Variants in C1RL observed in about 807,000 individuals in gnomAD.
C1RL encodes complement C1r subcomponent-like protein.
Under a neutral mutation model 27.9 loss-of-function variants are expected in C1RL, and 27 were observed. That is an observed-to-expected ratio of 0.97 (90% CI 0.71 to 1.33). C1RL has a LOEUF of 1.33. Ranked by LOEUF, C1RL falls within the 40% of genes most tolerant of loss-of-function variation. The pLI is 0.00. For synonymous variants in C1RL, 248 were observed against 252.1 expected (o/e 0.98, Z 0.15); for missense variants, 563 against 623.9 (o/e 0.90, Z 1.04).
Position 7,100,020 on chromosome 12 carries a change from T to G in C1RL, c.497A>C (p.Asn166Thr), listed in dbSNP as rs772751644. The G allele has an allele frequency of 3.1e-6, 5 of 1,611,718 alleles. 1 individual carries two copies. Among genetic ancestry groups the G allele is most frequent in the Non-Finnish European group, 4.2e-6 (5 of 1,179,062 alleles). The stretch of plus-strand genomic sequence containing the variant: ...GGCCTCGCTGATGGGCTGACTATAG[T>G]TCACAGCTATAGGAAAACAGCACCT... ...FLALYQTVAVNYSQPISEASR... is the reference protein window; with the variant it reads ...FLALYQTVAVTYSQPISEASR... Residue 166 changes from asparagine to threonine, a missense_variant, in exon 4 of 6, where the codon AAC becomes ACC. Physicochemically the swap from Asn to Thr is moderately conservative, Grantham distance 65. Coordinates refer to ENST00000266542, the MANE Select transcript of C1RL (RefSeq NM_016546.4).
In C1RL at chr12:7,099,911, G is replaced by A. The variant is rs201243187; in HGVS notation, c.606C>T (p.Ala202=). 27 of 1,613,936 alleles carry A rather than the reference G, an allele frequency of 1.7e-5. No homozygotes were observed. The highest frequency in any genetic ancestry group is 4.5e-5 in the East Asian group (2 of 44,890). ...CAGGTGGGGACTCACCTGCTGCCGC[G>A]GCCTGATAATAGGGCTCCTGGCAGT... ...QNHCQEPYYQ[A]AAAGALTCAT... is the part of the protein sequence containing the mutation. Residue 202 remains alanine, a synonymous_variant, in exon 4 of 6, where the codon GCC becomes GCT. Transcript: ENST00000266542.
chr12:7,097,135 G>A lies in C1RL; in HGVS notation c.720C>T (p.Ala240=). ...AAGAACCGAGGGTCGTCTGATTCTGGGCAATGGGGGTGACTGGCCGTCCGC... is the reference window on the plus strand; with the variant it reads ...AAGAACCGAGGGTCGTCTGATTCTGAGCAATGGGGGTGACTGGCCGTCCGC... ...PVCGRPVTPI[A]QNQTTLGSSR... is the part of the protein sequence containing the mutation. Residue 240 remains alanine (A), a synonymous_variant, in exon 6 of 6, where the codon GCC becomes GCT. Transcript: ENST00000266542. 1 of 1,610,612 alleles carries A rather than the reference G, an allele frequency of 6.2e-7. No homozygotes were observed. The highest frequency in any genetic ancestry group is 1.1e-5 in the South Asian group (1 of 90,738).
chr12:7,100,935 C>T (rs67225162), intron 3 of C1RL, among the ~76,000 whole-genome samples: 43,855 of 151,900 alleles, frequency 0.29, 6,579 homozygotes, highest in Admixed American at 0.38. Flanking sequence ...ATCCTCTTCC[C>T]GGGAAGAATA....
At chr12:7,107,557 C>T (rs1290517419) in intron 2 of C1RL, among the ~76,000 whole-genome samples, 1 of 151,970 alleles carries the variant, frequency 6.6e-6, no homozygotes, top group Admixed American at 6.6e-5. Context: ...AAATAAAGTT[C>T]AAAAATTTAT....
At chr12:7,100,742 G>A (rs997693730) in intron 3 of C1RL, among the ~76,000 whole-genome samples, 4 of 152,034 alleles carry the variant, frequency 2.6e-5, no homozygotes, top group Admixed American at 6.5e-5. Context: ...AGAAGAGACT[G>A]CGCCACTGCA....
At position 7,108,328 on chromosome 12, in the gene C1RL, C is replaced by T. The variant is rs1301746672; in HGVS notation, c.223G>A (p.Glu75Lys). 6 of 1,614,148 alleles carry T rather than the reference C, an allele frequency of 3.7e-6. No individual in the cohort carries two copies. The highest frequency in any genetic ancestry group is 5.1e-6 in the Non-Finnish European group (6 of 1,180,048). ...AAGACGAGCCTCACAGCAAAGCCCT[C>T]TGGAGCCTTGATGTCCGTGCTGCTC... ...QESSTDIKAP[E>K]GFAVRLVFQD... The change falls in exon 2 of 6, where the codon GAG (glutamate) becomes AAG (lysine). Residue 75 changes from glutamate to lysine, a missense_variant. Physicochemically the swap from Glu to Lys is moderately conservative, Grantham distance 56. Transcript: ENST00000266542.
In C1RL at chr12:7,109,099, G is replaced by A; in HGVS notation, c.71+11C>T. ...TCCTCTTCCCTCCTCCTCTGCCGGG[G>A]CCACACTCACATTGCGCCTGGACAG... On this transcript the variant is annotated intron_variant, in intron 1 of 5. Transcript: ENST00000266542. The A allele has an allele frequency of 1.9e-6, 3 of 1,583,280 alleles. No individual in the cohort carries two copies. The highest frequency in any genetic ancestry group is 2.6e-6 in the Non-Finnish European group (3 of 1,162,284).
Position 7,094,660 on chromosome 12 carries a change from C to A in C1RL, c.*1731G>T. ...ATAAAAACATTTCATGCTCATTAAA[C>A]AAATTTTAGCCAATAGAGAATAGTG... On this transcript the variant is annotated 3_prime_UTR_variant, in exon 6 of 6. Transcript: ENST00000266542. The A allele has an allele frequency of 2.0e-6, 2 of 979,386 alleles. No individual in the cohort carries two copies. Among genetic ancestry groups the A allele is most frequent in the Non-Finnish European group, 2.4e-6 (2 of 824,530 alleles). The allele number at this position is 979,386 out of a possible 1,614,324, so 60.7% of individuals were successfully genotyped here.
Position 7,094,691 on chromosome 12 carries a change from C to T in C1RL, c.*1700G>A, listed in dbSNP as rs1251774690. The T allele has an allele frequency of 2.0e-6, 2 of 980,902 alleles. No homozygotes were observed. The highest frequency in any genetic ancestry group is 2.4e-6 in the Non-Finnish European group (2 of 826,054). 60.8% of individuals were successfully genotyped at this position (980,902 alleles called of 1,614,324 possible). On this transcript the variant is annotated 3_prime_UTR_variant, in exon 6 of 6. Transcript: ENST00000266542. ...TTAGCCAATAGAGAATAGTGGAAAACCAAACAGCCAAAATCTTATCAATAA... is the reference window on the plus strand; with the variant it reads ...TTAGCCAATAGAGAATAGTGGAAAATCAAACAGCCAAAATCTTATCAATAA...
At chr12:7,107,077 CA>C (rs1848430156) in intron 2 of C1RL, among the ~76,000 whole-genome samples, 1 of 152,030 alleles carries the variant, frequency 6.6e-6, no homozygotes, top group South Asian at 2.1e-4. Flanking sequence ...GAAACAGCTA[CA>C]TGAATTGGCA....
intron 5 of C1RL, among the ~76,000 whole-genome samples, chr12:7,098,763 G>C (rs1412367158): frequency 6.6e-6 from 1 of 152,206 alleles, no homozygotes; most frequent in African/African-American, 2.4e-5. Flanking sequence ...CAAATCCATA[G>C]AGATAGAAGA....
chr12:7,108,978 TGTGTGTGTGTGGGG>T (rs1409195663), intron 1 of C1RL, 118 bp downstream of exon 1: 29 of 164,098 alleles, frequency 1.8e-4, no homozygotes, highest in Admixed American at 5.4e-4. Context: ...TGTGTGTGTG[TGTGTGTGTGTGGGG>T]GGGGGGGGGA....
Position 7,109,113 on chromosome 12 carries a change from G to A in C1RL, c.68C>T (p.Ala23Val). 2 of 1,590,736 alleles carry A rather than the reference G, an allele frequency of 1.3e-6. No individual in the cohort carries two copies. Among genetic ancestry groups the A allele is most frequent in the Non-Finnish European group, 1.7e-6 (2 of 1,167,526 alleles). The change falls in exon 1 of 6, where the codon GCA (alanine) becomes GTA (valine). Residue 23 changes from alanine to valine, a missense_variant. Transcript: ENST00000266542. Reference protein sequence around the residue: ...RSPHSKGCPGAMWWLLLWGVL... With the variant: ...RSPHSKGCPGVMWWLLLWGVL... ...CCTCTGCCGGGGCCACACTCACATT[G>A]CGCCTGGACAGCCTTTGGAGTGAGG...
At position 7,102,071 on chromosome 12, in the gene C1RL, G is replaced by C. The variant is rs775236413; in HGVS notation, c.317C>G (p.Ser106Trp). The change falls in exon 3 of 6, where the codon TCG (serine) becomes TGG (tryptophan). Residue 106 changes from serine to tryptophan, a missense_variant. Transcript: ENST00000266542. The stretch of plus-strand genomic sequence containing the variant: ...CTGACCACAGAACTGGCTTGGATCC[G>C]AACCGACGAATGAGATCTGAAAGCG... The part of the protein sequence containing the change: ...GDSVTISFVG[S>W]DPSQFCGQQG... The C allele has an allele frequency of 6.2e-7, 1 of 1,606,790 alleles. No individual in the cohort carries two copies. Among genetic ancestry groups the C allele is most frequent in the African/African-American group, 1.3e-5 (1 of 74,932 alleles).
chr12:7,109,033 G>C (rs1233129266), intron 1 of C1RL, 77 bp downstream of exon 1: 1 of 715,484 alleles, frequency 1.4e-6, no homozygotes, highest in Non-Finnish European at 2.2e-6. Context: ...GGTGGGGGGA[G>C]GGAGGGTTTG....
intron 3 of C1RL, 169 bp downstream of exon 3, chr12:7,101,727 CTG>C: frequency 1.5e-6 from 1 of 658,650 alleles, no homozygotes; most frequent in South Asian, 1.8e-5. Context: ...TCAGCTACGG[CTG>C]TCTCTTAATA....
intron 3 of C1RL, 101 bp downstream of exon 3, chr12:7,101,797 A>G (rs764452194): frequency 1.6e-6 from 2 of 1,279,364 alleles, no homozygotes; most frequent in Admixed American, 1.7e-5. Context: ...CTGAGTCCCC[A>G]GCCTCAGCTG....
Position 7,095,822 on chromosome 12 carries a change from G to T in C1RL, c.*569C>A. On this transcript the variant is annotated 3_prime_UTR_variant, in exon 6 of 6. Coordinates refer to ENST00000266542, the MANE Select transcript of C1RL (RefSeq NM_016546.4). ...TAATAACACATCCTTTGCAAATATG[G>T]TATGAGGATTAAGTGAAATAACAGG... 1.3e-6 allele frequency: 1 copy of T among 768,346 alleles called. No homozygotes were observed. The highest frequency in any genetic ancestry group is 1.6e-6 in the Non-Finnish European group (1 of 632,134). 47.6% of individuals were successfully genotyped at this position (768,346 alleles called of 1,614,324 possible). A position where few individuals can be genotyped will look rare whatever the true frequency, so the allele number is the denominator to read the frequency against.
At chr12:7,097,789 C>T (rs1938495809) in intron 5 of C1RL, among the ~76,000 whole-genome samples, 1 of 152,170 alleles carries the variant, frequency 6.6e-6, no homozygotes, top group South Asian at 2.1e-4. Context: ...TAAAGCCATT[C>T]GTTTGGACCA....
Sources: gnomAD v4.1 joint callset for allele counts (sites outside exome capture counted in the v4.1 genomes callset) on GRCh38, gnomAD v4.1.1 for gene constraint, MANE v1.5 for transcripts, NCBI Gene and HGNC (gene_info 2026-07-23, HGNC 2026-07-21) for gene names.